The following SLCO5A1 variants were observed in gnomAD, a reference collection of about 807,000 sequenced individuals.
The protein encoded by SLCO5A1 is solute carrier organic anion transporter family member 5A1.
In SLCO5A1, 39 loss-of-function variants were observed where a neutral mutation model predicts 65.1. The observed-to-expected ratio is 0.60, with a 90% CI of 0.46 to 0.78. The LOEUF (loss-of-function observed/expected upper bound fraction) is 0.78, where lower values mean the gene tolerates loss of function less well. SLCO5A1 is among the 30% of genes least tolerant of loss of function. The probability of loss-of-function intolerance (pLI) is 0.00; values close to 1 mark genes in which losing one functional copy is unlikely to be tolerated. For missense variants in SLCO5A1, 1,029 were observed against 1,069.4 expected, an observed-to-expected ratio of 0.96 and a Z score of 0.53; for synonymous variants, 438 against 415.7, an observed-to-expected ratio of 1.05 and a Z score of -0.65.
Position 69,832,646 on chromosome 8 carries a change from C to G in SLCO5A1, c.28G>C (p.Gly10Arg). 1 of 1,606,306 alleles carries G rather than the reference C, an allele frequency of 6.2e-7. No individual in the cohort carries two copies. The highest frequency in any genetic ancestry group is 8.5e-7 in the Non-Finnish European group (1 of 1,179,726). ...GGCGCCTCCAGCTGCTCTCCCGCCC[C>G]GGGCTGCAGTCCAGTGCCTTCGTCC... Reference protein sequence around the residue: MDEGTGLQPGAGEQLEAPAT... With the variant: MDEGTGLQPRAGEQLEAPAT... The change falls in exon 2 of 10, where the codon GGG becomes CGG. Residue 10 changes from glycine to arginine, a missense_variant. Around this residue, in one of 3 missense-constraint regions of SLCO5A1, gnomAD observed 647 missense variants for 647.5 expected, o/e 1.00. Transcript: ENST00000260126. The surrounding 1 kb of genome is among the most constrained non-coding windows in gnomAD (Gnocchi z 4.5).
chr8:69,704,297 A>C (rs898786751), intron 6 of SLCO5A1, among the ~76,000 whole-genome samples: 2 of 152,206 alleles, frequency 1.3e-5, no homozygotes, highest in Non-Finnish European at 2.9e-5. Flanking sequence ...ACTCAGGATG[A>C]TAACAGCACC....
At chr8:69,679,227 C>T in intron 8 of SLCO5A1, 151 bp downstream of exon 8, 2 of 1,091,044 alleles carry the variant, frequency 1.8e-6, no homozygotes, top group African/African-American at 1.6e-5. Context: ...AAAATCCCTC[C>T]TAAGTTCACC....
At chr8:69,730,056 A>G (rs1357734800) in intron 5 of SLCO5A1, among the ~76,000 whole-genome samples, 1 of 152,212 alleles carries the variant, frequency 6.6e-6, no homozygotes, top group African/African-American at 2.4e-5. Flanking sequence ...ATGCTTTAAG[A>G]TCTAATTAGC....
chr8:69,760,307 G>C (rs1339217482), intron 3 of SLCO5A1, among the ~76,000 whole-genome samples: 1 of 152,108 alleles, frequency 6.6e-6, no homozygotes, highest in African/African-American at 2.4e-5. Context: ...ATGCTGACAG[G>C]GGAACTCCTT....
At chr8:69,829,673 C>CTCAATCAA (rs35168034) in intron 2 of SLCO5A1, among the ~76,000 whole-genome samples, 2 of 151,802 alleles carry the variant, frequency 1.3e-5, no homozygotes, top group East Asian at 1.9e-4. Context: ...AAGACCCTGT[C>CTCAATCAA]TCAATCAATC....
intron 5 of SLCO5A1, among the ~76,000 whole-genome samples, chr8:69,708,296 C>A (rs1433524399): frequency 6.6e-6 from 1 of 152,158 alleles, no homozygotes; most frequent in African/African-American, 2.4e-5. Flanking sequence ...GACTTCTTTG[C>A]CTCGTCATGG....
Position 69,784,809 on chromosome 8 carries a change from G to GAAAA in SLCO5A1, c.908-22938_908-22935dup, listed in dbSNP as rs1232449077. Among the ~76,000 whole-genome samples the GAAAA allele has an allele frequency of 6.9e-3, 150 of 21,594 alleles. 1 individual carries two copies. The highest frequency in any genetic ancestry group is 0.031 in the African/African-American group (136 of 4,394). 14.2% of individuals were successfully genotyped at this position (21,594 alleles called of 152,430 possible). A position where few individuals can be genotyped will look rare whatever the true frequency, so the allele number is the denominator to read the frequency against. ...TCTGAAAAAAAAAGAAAGAAAGAAA[G>GAAAA]AAAAAGAAAGAAAGAAAGAAAGAAA... On this transcript the variant is annotated intron_variant, in intron 2 of 9. Transcript: ENST00000260126.
At chr8:69,697,854 T>C (rs2860282) in intron 6 of SLCO5A1, among the ~76,000 whole-genome samples, 16,254 of 152,232 alleles carry the variant, frequency 0.11, 1,156 homozygotes, top group African/African-American at 0.2. Flanking sequence ...TACTTGTTTG[T>C]TTGTTTCAAT....
chr8:69,708,003 C>T (rs535543099), intron 5 of SLCO5A1, among the ~76,000 whole-genome samples: 8 of 152,224 alleles, frequency 5.3e-5, no homozygotes, highest in African/African-American at 1.9e-4. Flanking sequence ...GAGATGAATT[C>T]ATGGCATAAA....
At chr8:69,752,257 T>A (rs998808812) in intron 4 of SLCO5A1, among the ~76,000 whole-genome samples, 57 of 151,880 alleles carry the variant, frequency 3.8e-4, no homozygotes, top group Non-Finnish European at 1.0e-4. Flanking sequence ...ATAAAAATTT[T>A]AAAAATTAAG....
intron 5 of SLCO5A1, among the ~76,000 whole-genome samples, chr8:69,735,326 A>G (rs1354711583): frequency 6.6e-6 from 1 of 152,200 alleles, no homozygotes; most frequent in Non-Finnish European, 1.5e-5. Context: ...CTGGGGATAT[A>G]CCCAAAGGAA....
chr8:69,739,005 A>C (rs754448733), intron 4 of SLCO5A1, among the ~76,000 whole-genome samples: 2 of 152,248 alleles, frequency 1.3e-5, no homozygotes, highest in Non-Finnish European at 2.9e-5. Context: ...CATCAGTGGG[A>C]AATGTTTAAA....
chr8:69,773,714 G>T (rs1207209018), intron 2 of SLCO5A1, among the ~76,000 whole-genome samples: 1 of 152,166 alleles, frequency 6.6e-6, no homozygotes, highest in Non-Finnish European at 1.5e-5. Flanking sequence ...CACCCCTATT[G>T]CACACAGTCC....
chr8:69,783,605 G>GT (rs142011194), intron 2 of SLCO5A1, among the ~76,000 whole-genome samples: 2,235 of 151,618 alleles, frequency 0.015, 48 homozygotes, highest in African/African-American at 0.049. Context: ...TATTTTTTTT[G>GT]TACCAAAGTC....
chr8:69,798,622 G>A (rs1248040652), intron 2 of SLCO5A1, among the ~76,000 whole-genome samples: 1 of 152,136 alleles, frequency 6.6e-6, no homozygotes, highest in African/African-American at 2.4e-5. Flanking sequence ...CCACCCCCAT[G>A]ATTTAATCAC....
intron 2 of SLCO5A1, among the ~76,000 whole-genome samples, chr8:69,798,505 G>A (rs1379886969): frequency 1.3e-5 from 2 of 152,096 alleles, no homozygotes; most frequent in African/African-American, 4.8e-5. Context: ...AAGAGAGAGA[G>A]GGAAGAGGTG....
intron 6 of SLCO5A1, among the ~76,000 whole-genome samples, chr8:69,704,191 T>C (rs962140630): frequency 2.0e-5 from 3 of 152,224 alleles, no homozygotes; most frequent in African/African-American, 7.2e-5. Context: ...TCTGGGCCAC[T>C]GCACCAGCCA....
rs183329152 is a variant in SLCO5A1, at chr8:69,667,707, A to C, written c.*5162T>G. On this transcript the variant is annotated 3_prime_UTR_variant, in exon 10 of 10. Transcript: ENST00000260126. The stretch of plus-strand genomic sequence containing the variant: ...AACCCCAGTGTTAAAAATACCTTAC[A>C]TGGGTGTAATCTTTTTGGAGAAGAA... 6.6e-6 allele frequency: 1 copy of C among 152,208 alleles called. No individual in the cohort carries two copies. Among genetic ancestry groups the C allele is most frequent in the African/African-American group, 2.4e-5 (1 of 41,450 alleles). The allele number at this position is 152,208 out of a possible 1,614,324, so 9.4% of individuals were successfully genotyped here. A position where few individuals can be genotyped will look rare whatever the true frequency, so the allele number is the denominator to read the frequency against.
At chr8:69,815,204 G>A (rs1820354749) in intron 2 of SLCO5A1, among the ~76,000 whole-genome samples, 1 of 152,126 alleles carries the variant, frequency 6.6e-6, no homozygotes, top group Non-Finnish European at 1.5e-5. Context: ...ATGTTCATTA[G>A]CCTGAGTTAA....
Sources: gnomAD v4.1 joint callset for allele counts (sites outside exome capture counted in the v4.1 genomes callset) on GRCh38, gnomAD v4.1.1 for gene constraint, gnomAD v4.1.1 regional missense constraint, Gnocchi (gnomAD v3.1) non-coding constraint, MANE v1.5 for transcripts, NCBI Gene and HGNC (gene_info 2026-07-23, HGNC 2026-07-21) for gene names.